Variants in YWHAE observed in about 807,000 individuals in gnomAD.
The protein encoded by YWHAE is tyrosine 3-monooxygenase/tryptophan 5-monooxygenase activation protein epsilon, also known as 14-3-3 protein epsilon.
YWHAE carries 4 observed loss-of-function variants against 30.1 expected under a neutral mutation model. The observed-to-expected ratio is 0.13, with a 90% CI of 0.07 to 0.30. The LOEUF (loss-of-function observed/expected upper bound fraction) is 0.30, where lower values mean the gene tolerates loss of function less well. Ranked by LOEUF, YWHAE falls within the 10% of genes least tolerant of loss-of-function variation. The pLI is 1.00. For missense variants in YWHAE, 121 were observed against 315.9 expected (o/e 0.38, Z 4.68); for synonymous variants, 118 against 111.8 (o/e 1.06, Z -0.35).
chr17:1,391,219 G>A (rs960861050), intron 1 of YWHAE, among the ~76,000 whole-genome samples: 1 of 152,176 alleles, frequency 6.6e-6, no homozygotes, highest in South Asian at 2.1e-4. Flanking sequence ...CCCATTTGTG[G>A]GGGAGGGAGC....
intron 1 of YWHAE, among the ~76,000 whole-genome samples, chr17:1,396,521 G>A (rs1350302493): frequency 6.6e-6 from 1 of 152,160 alleles, no homozygotes; most frequent in East Asian, 1.9e-4. Flanking sequence ...CTTCCATGAA[G>A]CCAATCTTGA....
chr17:1,370,862 T>A (rs1189437775), intron 1 of YWHAE, among the ~76,000 whole-genome samples: 2 of 151,410 alleles, frequency 1.3e-5, no homozygotes. Flanking sequence ...CAGCCGGGCA[T>A]GGTGGCGGGC....
intron 1 of YWHAE, among the ~76,000 whole-genome samples, chr17:1,386,203 G>C (rs927392224): frequency 2.0e-5 from 3 of 152,098 alleles, no homozygotes; most frequent in Admixed American, 1.3e-4. Context: ...ACTTTAAAGA[G>C]GTTTTTCAAT....
intron 1 of YWHAE, among the ~76,000 whole-genome samples, chr17:1,368,174 G>T (rs1029056857): frequency 2.0e-5 from 3 of 152,066 alleles, no homozygotes; most frequent in Non-Finnish European, 2.9e-5. Flanking sequence ...ATCACCTGAG[G>T]TCGGGAGATC....
At chr17:1,389,058 C>T (rs1283796434) in intron 1 of YWHAE, among the ~76,000 whole-genome samples, 5 of 152,088 alleles carry the variant, frequency 3.3e-5, no homozygotes, top group Admixed American at 6.6e-5. Flanking sequence ...CTCGACCTCC[C>T]GGGCTCAAGA....
At chr17:1,350,815 T>C (rs1344223955) in intron 5 of YWHAE, among the ~76,000 whole-genome samples, 1 of 151,098 alleles carries the variant, frequency 6.6e-6, no homozygotes, top group Non-Finnish European at 1.5e-5. Flanking sequence ...ATCCAAGCAT[T>C]TTGGGAGGCC....
At chr17:1,376,402 A>G (rs140980723) in intron 1 of YWHAE, among the ~76,000 whole-genome samples, 7 of 147,456 alleles carry the variant, frequency 4.7e-5, no homozygotes, top group Admixed American at 2.0e-4. Context: ...AAGAGAGAGA[A>G]AGAAAGAAAA....
intron 1 of YWHAE, chr17:1,398,702 A>G (rs911144466): frequency 1.3e-5 from 2 of 152,164 alleles, no homozygotes; most frequent in African/African-American, 4.8e-5. Flanking sequence ...GCACAATTAT[A>G]AATGTGTGGG....
intron 5 of YWHAE, among the ~76,000 whole-genome samples, chr17:1,346,216 A>G (rs2072513944): frequency 6.6e-6 from 1 of 152,232 alleles, no homozygotes. Context: ...TGCAACAGAA[A>G]GCCACCTATT....
chr17:1,348,417 C>A (rs1029787862), intron 5 of YWHAE, among the ~76,000 whole-genome samples: 5 of 152,026 alleles, frequency 3.3e-5, no homozygotes, highest in African/African-American at 1.2e-4. Flanking sequence ...AATTATGTTC[C>A]AACATGCTGG....
At chr17:1,352,621 G>T (rs1038161776) in intron 5 of YWHAE, among the ~76,000 whole-genome samples, 5 of 151,872 alleles carry the variant, frequency 3.3e-5, no homozygotes, top group Non-Finnish European at 5.9e-5. Flanking sequence ...CGCCTCCTGG[G>T]TTTAAGCAAT....
intron 1 of YWHAE, among the ~76,000 whole-genome samples, chr17:1,374,468 C>A (rs1406445328): frequency 6.6e-6 from 1 of 152,148 alleles, no homozygotes; most frequent in African/African-American, 2.4e-5. Flanking sequence ...CTAGAAGGAA[C>A]TTCAGGATCA....
chr17:1,372,371 T>C (rs1392016819), intron 1 of YWHAE, among the ~76,000 whole-genome samples: 1 of 152,260 alleles, frequency 6.6e-6, no homozygotes, highest in Non-Finnish European at 1.5e-5. Context: ...GCTGTTTTGC[T>C]TTCTCATCAT....
chr17:1,353,726 C>T (rs1037855072), intron 5 of YWHAE, among the ~76,000 whole-genome samples: 5 of 149,836 alleles, frequency 3.3e-5, no homozygotes, highest in African/African-American at 1.2e-4. Flanking sequence ...ATTGAGCCAC[C>T]GCACTCCAGC....
chr17:1,397,148 C>T (rs2073486028), intron 1 of YWHAE, among the ~76,000 whole-genome samples: 1 of 152,228 alleles, frequency 6.6e-6, no homozygotes, highest in South Asian at 2.1e-4. Flanking sequence ...ATCCACCCGC[C>T]TCGACCTCCC....
intron 1 of YWHAE, among the ~76,000 whole-genome samples, chr17:1,395,694 C>T (rs1370925187): frequency 6.6e-6 from 1 of 152,136 alleles, no homozygotes; most frequent in African/African-American, 2.4e-5. Flanking sequence ...TTATTAACAA[C>T]GTTAATTTAC....
intron 4 of YWHAE, among the ~76,000 whole-genome samples, chr17:1,357,088 G>GT (rs2072760142): frequency 7.5e-6 from 1 of 133,834 alleles, no homozygotes. Flanking sequence ...GCTAACACAG[G>GT]GAAACCCCAT....
In YWHAE at chr17:1,383,869, T is replaced by C. The variant is rs2073256589; in HGVS notation, c.64+16178A>G. Among the ~76,000 whole-genome samples the C allele has an allele frequency of 2.0e-5, 3 of 152,050 alleles. No homozygotes were observed. The South Asian group carries it at 6.2e-4, about 32-fold the overall frequency. ...TGAGCCCAAGAGTTCAAGACCGGCC[T>C]GGGCAATATGGCAAGACCCCATCTC... On this transcript the variant is annotated intron_variant, in intron 1 of 5. Transcript: ENST00000264335.
In YWHAE at chr17:1,400,219, A is replaced by C. The variant is rs766949781; in HGVS notation, c.-109T>G. Reference sequence around the variant, plus strand: ...GGGCAGCAAAAATGGCGGCGCCTCAATCCGGGACTTCCGCCTGCGCACGCG... The same window carrying C: ...GGGCAGCAAAAATGGCGGCGCCTCACTCCGGGACTTCCGCCTGCGCACGCG... On this transcript the variant is annotated 5_prime_UTR_variant, in exon 1 of 6. Coordinates refer to ENST00000264335, the MANE Select transcript of YWHAE (RefSeq NM_006761.5). 7.8e-7 allele frequency: 1 copy of C among 1,283,450 alleles called. No homozygotes were observed. Among genetic ancestry groups the C allele is most frequent in the Non-Finnish European group, 1.1e-6 (1 of 893,658 alleles). The allele number at this position is 1,283,450 out of a possible 1,614,324, so 79.5% of individuals were successfully genotyped here. A position where few individuals can be genotyped will look rare whatever the true frequency, so the allele number is the denominator to read the frequency against.
Sources: allele counts gnomAD v4.1 joint callset (sites outside exome capture counted in the v4.1 genomes callset), GRCh38; gene constraint gnomAD v4.1.1; transcripts MANE v1.5; gene names NCBI Gene and HGNC (gene_info 2026-07-23, HGNC 2026-07-21).